Variants in PKD1L1 observed in about 807,000 individuals in gnomAD.
PKD1L1 encodes the protein polycystin 1 like 1, transient receptor potential channel interacting.
Under a neutral mutation model 323.4 loss-of-function variants are expected in PKD1L1, and 236 were observed. The ratio of observed to expected loss-of-function variants is 0.73; its 90% CI spans 0.66 to 0.81. The LOEUF is 0.81. PKD1L1 is among the 40% of genes least tolerant of loss of function. The pLI, the probability that PKD1L1 is intolerant of heterozygous loss-of-function variation, is 0.00. For synonymous variants in PKD1L1, 1,344 were observed against 1,335.0 expected (o/e 1.01, Z -0.15); for missense variants, 3,320 against 3,508.0 (o/e 0.95, Z 1.35).
intron 7 of PKD1L1, among the ~76,000 whole-genome samples, chr7:47,926,243 C>G (rs990342447): frequency 6.6e-6 from 1 of 152,246 alleles, no homozygotes; most frequent in African/African-American, 2.4e-5. Flanking sequence ...TTCACCACCA[C>G]TTATTTTCAC....
rs1785345260 is a variant in PKD1L1 at position 47,831,344 on chromosome 7, T to C, written c.6346A>G (p.Ser2116Gly). The change falls in exon 42 of 57, where the codon AGT becomes GGT. Residue 2116 changes from serine to glycine, a missense_variant. Transcript: ENST00000289672. ...TGGGGCATTAGTCCCTCCAAACCAC[T>C]GCTGGGTGCTGCGGAAGAGTAGGAC... ...CCPPHTQAPS[S>G]GLEGLMPQWS... 1 of 1,611,800 alleles carries C rather than the reference T, an allele frequency of 6.2e-7. No individual in the cohort carries two copies. The highest frequency in any genetic ancestry group is 8.5e-7 in the Non-Finnish European group (1 of 1,179,266).
chr7:47,843,623 C>T (rs1562956143), intron 33 of PKD1L1, among the ~76,000 whole-genome samples: 1 of 152,300 alleles, frequency 6.6e-6, no homozygotes. Context: ...GGAGACCCTG[C>T]CTGTGCCTCC....
chr7:47,801,348 A>G (rs552552414), intron 53 of PKD1L1, among the ~76,000 whole-genome samples: 1 of 152,300 alleles, frequency 6.6e-6, no homozygotes, highest in South Asian at 2.1e-4. Context: ...GATTTGGTTC[A>G]GGTTAAGTTT....
At chr7:47,877,410 T>C in intron 22 of PKD1L1, 79 bp downstream of exon 22, 2 of 1,546,754 alleles carry the variant, frequency 1.3e-6, no homozygotes, top group Non-Finnish European at 8.8e-7. Flanking sequence ...TGTCCATTCC[T>C]ACAGCACCCG....
chr7:47,936,819 A>C, intron 4 of PKD1L1, 27 bp downstream of exon 4: 1 of 1,503,746 alleles, frequency 6.7e-7, no homozygotes, highest in South Asian at 1.2e-5. Context: ...CAGAAAAGCA[A>C]TATTTCGCCA....
chr7:47,894,201 C>T, intron 14 of PKD1L1, 142 bp from the exon 15 acceptor site: 1 of 658,838 alleles, frequency 1.5e-6, no homozygotes, highest in Non-Finnish European at 2.5e-6. Context: ...TCTTGGTAGT[C>T]AAAATAACCA....
At chr7:47,863,698 A>T (rs537110069) in intron 26 of PKD1L1, among the ~76,000 whole-genome samples, 2 of 152,204 alleles carry the variant, frequency 1.3e-5, no homozygotes, top group East Asian at 3.9e-4. Flanking sequence ...GGCAGTGTGG[A>T]TGGAGATGGA....
chr7:47,930,361 C>T (rs1787743297), intron 6 of PKD1L1, among the ~76,000 whole-genome samples: 1 of 151,894 alleles, frequency 6.6e-6, no homozygotes, highest in South Asian at 2.1e-4. Context: ...AAAAATTAGC[C>T]GGGCATGGTG....
chr7:47,959,730 C>T, the PKD1L1 span, among the ~76,000 whole-genome samples: 5 of 144,210 alleles, frequency 3.5e-5, no homozygotes, highest in Admixed American at 6.8e-5. Context: ...CCAGCCGCCC[C>T]GTCCGGGAGG....
At chr7:47,867,817 T>A (rs1456937890) in intron 24 of PKD1L1, among the ~76,000 whole-genome samples, 1 of 152,108 alleles carries the variant, frequency 6.6e-6, no homozygotes, top group Admixed American at 6.6e-5. Context: ...GTTATATGTA[T>A]AATAATTATA....
chr7:47,835,230 A>C lies in PKD1L1; in HGVS notation c.5957T>G (p.Val1986Gly). Reference protein sequence around the residue: ...AGGQEQPHLDVSPTLGSFRVG... With the variant: ...AGGQEQPHLDGSPTLGSFRVG... The stretch of plus-strand genomic sequence containing the variant: ...CCTGAAGGATCCAAGGGTGGGGCTG[A>C]CGTCCAAGTGGGGCTGCAACAAAGC... Residue 1986 changes from valine (V) to glycine (G), a missense_variant, in exon 38 of 57, where the codon GTC (valine) becomes GGC (glycine). Transcript: ENST00000289672. The C allele has an allele frequency of 8.2e-6, 13 of 1,588,516 alleles. No individual in the cohort carries two copies. The highest frequency in any genetic ancestry group is 1.1e-5 in the Non-Finnish European group (13 of 1,173,466).
intron 56 of PKD1L1, among the ~76,000 whole-genome samples, chr7:47,787,657 C>T (rs11760486): frequency 0.42 from 64,050 of 151,990 alleles, 13,629 homozygotes; most frequent in East Asian, 0.58. Flanking sequence ...ACAAATTAAG[C>T]GGGTTTAAAG....
chr7:47,800,576 C>T, intron 54 of PKD1L1, 73 bp downstream of exon 54: 1 of 1,472,622 alleles, frequency 6.8e-7, no homozygotes. Context: ...TCCACATGGA[C>T]CAGAGTTTCA....
intron 46 of PKD1L1, among the ~76,000 whole-genome samples, chr7:47,820,588 G>A (rs139042999): frequency 1.3e-3 from 195 of 152,268 alleles, no homozygotes; most frequent in African/African-American, 4.3e-3. Context: ...TTAGCCAAGC[G>A]TGGTGGCACA....
intron 51 of PKD1L1, among the ~76,000 whole-genome samples, chr7:47,808,676 G>T (rs191187157): frequency 1.3e-5 from 2 of 152,228 alleles, no homozygotes; most frequent in African/African-American, 4.8e-5. Flanking sequence ...CATACACAAT[G>T]GTAAGTGCTG....
chr7:47,959,797 C>T, the PKD1L1 span, among the ~76,000 whole-genome samples: 14 of 149,458 alleles, frequency 9.4e-5, no homozygotes, highest in South Asian at 2.3e-3. Flanking sequence ...AGGTGAGGGG[C>T]GCCTCTGCCC....
chr7:47,924,502 C>T (rs930081597), intron 7 of PKD1L1, among the ~76,000 whole-genome samples: 3 of 152,140 alleles, frequency 2.0e-5, no homozygotes, highest in East Asian at 1.9e-4. Flanking sequence ...CCCTCAGTTA[C>T]GTGACTCTGG....
At chr7:47,791,273 A>G (rs569903319) in intron 56 of PKD1L1, among the ~76,000 whole-genome samples, 1 of 152,232 alleles carries the variant, frequency 6.6e-6, no homozygotes, top group South Asian at 2.1e-4. Flanking sequence ...CCTAAAATCA[A>G]TTTTAACTTT....
intron 21 of PKD1L1, among the ~76,000 whole-genome samples, 185 bp downstream of exon 21, chr7:47,880,543 A>G (rs1474350830): frequency 1.6e-5 from 1 of 64,488 alleles, no homozygotes; most frequent in East Asian, 2.3e-4. Context: ...CGGCCTCCCA[A>G]AGTGCTGGGA....
Sources: allele counts gnomAD v4.1 joint callset (sites outside exome capture counted in the v4.1 genomes callset), GRCh38; gene constraint gnomAD v4.1.1; transcripts MANE v1.5; gene names NCBI Gene and HGNC (gene_info 2026-07-23, HGNC 2026-07-21).